SNAP23: variants seen among roughly 807,000 people sequenced by gnomAD.
SNAP23 encodes synaptosomal-associated protein 23.
SNAP23 carries 11 observed loss-of-function variants against 29.0 expected under a neutral mutation model. That is an observed-to-expected ratio of 0.38 (90% CI 0.24 to 0.63). The LOEUF (loss-of-function observed/expected upper bound fraction) is 0.63. Among genes scored for constraint, SNAP23 ranks in the 20% least tolerant of loss-of-function variants. The pLI, the probability that SNAP23 is intolerant of heterozygous loss-of-function variation, is 0.58. For synonymous variants in SNAP23, 60 were observed against 82.9 expected, an observed-to-expected ratio of 0.72 and a Z score of 1.50; for missense variants, 220 against 253.9, an observed-to-expected ratio of 0.87 and a Z score of 0.91.
chr15:42,513,505 C>A, intron 4 of SNAP23, 58 bp downstream of exon 4: 4 of 1,378,952 alleles, frequency 2.9e-6, no homozygotes, highest in South Asian at 2.3e-5. Flanking sequence ...AAAGCCCTAT[C>A]AAATTAGCCA....
intron 1 of SNAP23, among the ~76,000 whole-genome samples, chr15:42,506,737 C>G (rs1031806588): frequency 3.3e-5 from 5 of 151,914 alleles, no homozygotes; most frequent in African/African-American, 1.2e-4. Flanking sequence ...TATAGGATTG[C>G]TTGACCTATT....
chr15:42,524,798 T>G (rs1246133812), intron 5 of SNAP23, among the ~76,000 whole-genome samples: 3 of 152,180 alleles, frequency 2.0e-5, no homozygotes, highest in Non-Finnish European at 4.4e-5. Context: ...TTTGTGAACA[T>G]TTTTTATTTT....
intron 5 of SNAP23, among the ~76,000 whole-genome samples, chr15:42,524,282 A>T (rs2057475808): frequency 6.6e-6 from 1 of 152,200 alleles, no homozygotes; most frequent in Admixed American, 6.5e-5. Flanking sequence ...AAACAACAAC[A>T]AACGATTCCC....
chr15:42,498,048 G>C (rs970962281), intron 1 of SNAP23, among the ~76,000 whole-genome samples: 1 of 152,218 alleles, frequency 6.6e-6, no homozygotes, highest in African/African-American at 2.4e-5. Context: ...TTCTGACCCT[G>C]TGGCTTTGCA....
intron 5 of SNAP23, among the ~76,000 whole-genome samples, chr15:42,520,190 A>T (rs1355541233): frequency 6.6e-6 from 1 of 150,956 alleles, no homozygotes; most frequent in African/African-American, 2.4e-5. Context: ...AGCTGGGATT[A>T]CAGGCGTGCA....
intron 1 of SNAP23, among the ~76,000 whole-genome samples, chr15:42,498,464 A>T (rs2057241747): frequency 6.6e-6 from 1 of 152,180 alleles, no homozygotes; most frequent in Non-Finnish European, 1.5e-5. Flanking sequence ...CCCAAGCTGT[A>T]CCTTGACCCC....
chr15:42,520,231 A>C (rs1405197406), intron 5 of SNAP23, among the ~76,000 whole-genome samples: 1 of 150,422 alleles, frequency 6.6e-6, no homozygotes, highest in Admixed American at 6.6e-5. Flanking sequence ...TTGTATTTTT[A>C]GTAGAGATGA....
intron 5 of SNAP23, among the ~76,000 whole-genome samples, chr15:42,517,484 C>T (rs145394934): frequency 2.2e-4 from 33 of 152,214 alleles, no homozygotes; most frequent in Admixed American, 1.6e-3. Context: ...AGCTCTAAGT[C>T]ACGTGTTGAT....
chr15:42,503,586 T>G (rs2057294165), intron 1 of SNAP23, among the ~76,000 whole-genome samples: 1 of 152,138 alleles, frequency 6.6e-6, no homozygotes. Flanking sequence ...GCCAGGCTGG[T>G]CTCGAACCCA....
intron 5 of SNAP23, among the ~76,000 whole-genome samples, chr15:42,518,668 C>T (rs952412894): frequency 2.6e-5 from 4 of 152,122 alleles, no homozygotes; most frequent in Non-Finnish European, 5.9e-5. Context: ...GTCTACCCAC[C>T]TTGGCCTCCA....
Position 42,502,026 on chromosome 15 carries a change from C to CTT in SNAP23, c.-15+6331_-15+6332dup, listed in dbSNP as rs767749240. Among the ~76,000 whole-genome samples, 159 of 132,428 alleles carry CTT rather than the reference C, an allele frequency of 1.2e-3. 1 individual carries two copies. The highest frequency in any genetic ancestry group is 8.1e-3 in the Middle Eastern group (2 of 246). 86.9% of individuals were successfully genotyped at this position (132,428 alleles called of 152,430 possible). A position where few individuals can be genotyped will look rare whatever the true frequency, so the allele number is the denominator to read the frequency against. Reference sequence around the variant, plus strand: ...AGGGACGTGAGTGCTTATATTCTCTCTTTTTTTTTTTTTTTTTTTGAGACG... The same window carrying CTT: ...AGGGACGTGAGTGCTTATATTCTCTCTTTTTTTTTTTTTTTTTTTTTGAGACG... On this transcript the variant is annotated intron_variant, in intron 1 of 7. Transcript: ENST00000249647.
chr15:42,508,467 C>T (rs1339097128), intron 1 of SNAP23, among the ~76,000 whole-genome samples: 1 of 152,142 alleles, frequency 6.6e-6, no homozygotes, highest in Non-Finnish European at 1.5e-5. Context: ...TAATCTTAGG[C>T]AGCTGCATCC....
chr15:42,523,549 A>C (rs2057468435), intron 5 of SNAP23, among the ~76,000 whole-genome samples: 1 of 152,250 alleles, frequency 6.6e-6, no homozygotes, highest in Non-Finnish European at 1.5e-5. Flanking sequence ...CTGTTGACTA[A>C]AGGTCAGGTT....
At chr15:42,527,084 C>G (rs945201551) in intron 5 of SNAP23, among the ~76,000 whole-genome samples, 25 of 152,128 alleles carry the variant, frequency 1.6e-4, no homozygotes, top group African/African-American at 5.8e-4. Flanking sequence ...GTGATCCACC[C>G]ACCTTGGCCT....
chr15:42,517,448 C>A (rs761602775), intron 5 of SNAP23, among the ~76,000 whole-genome samples: 6 of 152,146 alleles, frequency 3.9e-5, no homozygotes, highest in Non-Finnish European at 7.4e-5. Flanking sequence ...AGAAAGAAGT[C>A]TCCCCTAAAA....
chr15:42,511,619 G>C (rs1312488202), intron 1 of SNAP23, among the ~76,000 whole-genome samples: 1 of 152,058 alleles, frequency 6.6e-6, no homozygotes, highest in Non-Finnish European at 1.5e-5. Flanking sequence ...TGTATTTTAG[G>C]TTCACCCTTG....
At chr15:42,518,829 T>C (rs531179885) in intron 5 of SNAP23, among the ~76,000 whole-genome samples, 1 of 151,918 alleles carries the variant, frequency 6.6e-6, no homozygotes, top group Non-Finnish European at 1.5e-5. Flanking sequence ...ATGTTTAGTC[T>C]TTATTACTTG....
chr15:42,513,655 C>T (rs908459627), intron 4 of SNAP23, among the ~76,000 whole-genome samples: 2 of 152,140 alleles, frequency 1.3e-5, no homozygotes, highest in Non-Finnish European at 2.9e-5. Context: ...ATTGTATATA[C>T]CAAGTATGTG....
At chr15:42,512,644 T>G (rs1376912111) in intron 2 of SNAP23, among the ~76,000 whole-genome samples, 2 of 152,154 alleles carry the variant, frequency 1.3e-5, no homozygotes, top group African/African-American at 4.8e-5. Context: ...CCCAAAGTGC[T>G]GGGATTATAG....
Sources: allele counts gnomAD v4.1 joint callset (sites outside exome capture counted in the v4.1 genomes callset), GRCh38; gene constraint gnomAD v4.1.1; transcripts MANE v1.5; gene names NCBI Gene and HGNC (gene_info 2026-07-23, HGNC 2026-07-21).